The following COL23A1 variants were observed in gnomAD, a reference collection of about 807,000 sequenced individuals.
COL23A1 encodes the protein collagen type XXIII alpha 1 chain, also known as collagen alpha-1(XXIII) chain.
In COL23A1, 97 loss-of-function variants were observed where a neutral mutation model predicts 99.3. That is an observed-to-expected ratio of 0.98 (90% CI 0.83 to 1.16). The LOEUF (loss-of-function observed/expected upper bound fraction) is 1.16. Ranked by LOEUF, COL23A1 falls within the 50% of genes most tolerant of loss-of-function variation. COL23A1 has a pLI of 0.00. For synonymous variants in COL23A1, 320 were observed against 308.2 expected (o/e 1.04, Z -0.40); for missense variants, 762 against 757.4 (o/e 1.01, Z -0.07).
chr5:178,349,611 G>A (rs1038960216), intron 2 of COL23A1, among the ~76,000 whole-genome samples: 7 of 150,662 alleles, frequency 4.6e-5, no homozygotes, highest in South Asian at 2.1e-4. Flanking sequence ...CACTATCACC[G>A]TCCAATGTAA....
At chr5:178,576,929 AG>A (rs1373850464) in intron 1 of COL23A1, among the ~76,000 whole-genome samples, 1 of 151,584 alleles carries the variant, frequency 6.6e-6, no homozygotes. Flanking sequence ...CTGCCGGGTC[AG>A]CCCCGCGGAG....
chr5:178,324,227 AT>A (rs1251963108), intron 2 of COL23A1, among the ~76,000 whole-genome samples: 3 of 152,056 alleles, frequency 2.0e-5, no homozygotes, highest in African/African-American at 7.2e-5. Flanking sequence ...GGGCTGGAGA[AT>A]TTGCATTTTC....
chr5:178,559,869 C>T (rs1334019336), intron 2 of COL23A1, among the ~76,000 whole-genome samples: 2 of 151,614 alleles, frequency 1.3e-5, no homozygotes, highest in African/African-American at 4.9e-5. Context: ...CAAAAGTCAC[C>T]TTTCCCTGCA....
chr5:178,412,446 A>C (rs1765100967), intron 2 of COL23A1, among the ~76,000 whole-genome samples: 1 of 152,224 alleles, frequency 6.6e-6, no homozygotes, highest in South Asian at 2.1e-4. Flanking sequence ...ATATAAACAA[A>C]TTTACAGTTC....
rs1460383696 is a variant in COL23A1, at chr5:178,255,765, A to G, written c.882+588T>C. On this transcript the variant is annotated intron_variant, in intron 15 of 28. Coordinates refer to ENST00000390654, the MANE Select transcript of COL23A1 (RefSeq NM_173465.4). This position sits in a 1 kb window ranked among gnomAD's most constrained non-coding sequence, Gnocchi z 4.2. ...CCTGGCTCACTGGCTGCCTAATCCA[A>G]CCCCCTCCCGCTCCCCACCACCTGC... 3 of 311,640 alleles carry G rather than the reference A, an allele frequency of 9.6e-6. No individual in the cohort carries two copies. Among genetic ancestry groups the G allele is most frequent in the Middle Eastern group, 6.0e-4 (1 of 1,654 alleles). The allele number at this position is 311,640 out of a possible 1,614,324, so 19.3% of individuals were successfully genotyped here. A position where few individuals can be genotyped will look rare whatever the true frequency, so the allele number is the denominator to read the frequency against.
intron 2 of COL23A1, among the ~76,000 whole-genome samples, chr5:178,402,993 A>T (rs902643164): frequency 6.6e-6 from 1 of 151,850 alleles, no homozygotes; most frequent in Non-Finnish European, 1.5e-5. Context: ...CCACAGTCCC[A>T]GCTACTCAGG....
chr5:178,454,723 G>A (rs1767671684), intron 2 of COL23A1, among the ~76,000 whole-genome samples: 1 of 152,250 alleles, frequency 6.6e-6, no homozygotes, highest in Admixed American at 6.5e-5. Flanking sequence ...GTGCAACCAG[G>A]AAGGCCTGCC....
chr5:178,384,883 A>G lies in COL23A1; in HGVS notation c.362-77964T>C, dbSNP rs1037555465. Among the ~76,000 whole-genome samples the G allele has an allele frequency of 6.6e-6, 1 of 152,202 alleles. No individual in the cohort carries two copies. The highest frequency in any genetic ancestry group is 2.4e-5 in the African/African-American group (1 of 41,448). ...GAAAAGCGGGAAATAGCCTGCAAGGAGGAAGAGCGCGGTGAGAGGTCAAAT... is the reference window on the plus strand; with the variant it reads ...GAAAAGCGGGAAATAGCCTGCAAGGGGGAAGAGCGCGGTGAGAGGTCAAAT... On this transcript the variant is annotated intron_variant, in intron 2 of 28. Transcript: ENST00000390654. The surrounding 1 kb of genome is among the most constrained non-coding windows in gnomAD (Gnocchi z 5.5).
chr5:178,288,190 C>T (rs1039959303), intron 5 of COL23A1, 134 bp downstream of exon 5: 1 of 863,466 alleles, frequency 1.2e-6, no homozygotes, highest in Non-Finnish European at 2.0e-6. Context: ...ACGCTAATCG[C>T]CTCCACAGAA....
chr5:178,320,678 G>A (rs1048859698), intron 2 of COL23A1, among the ~76,000 whole-genome samples: 2 of 152,212 alleles, frequency 1.3e-5, no homozygotes, highest in African/African-American at 4.8e-5. Flanking sequence ...CACCCCAGGG[G>A]ACTTGGGGTG....
intron 17 of COL23A1, among the ~76,000 whole-genome samples, chr5:178,251,316 C>T (rs775697032): frequency 4.6e-5 from 7 of 151,862 alleles, no homozygotes; most frequent in Admixed American, 3.3e-4. Context: ...CCACCGTGCC[C>T]GGCCGCAAGA....
At chr5:178,522,028 A>C (rs1292443642) in intron 2 of COL23A1, among the ~76,000 whole-genome samples, 20 of 152,238 alleles carry the variant, frequency 1.3e-4, no homozygotes, top group Non-Finnish European at 2.6e-4. Flanking sequence ...TTTTTACCAC[A>C]ACAACAAAAA....
At chr5:178,503,908 A>G (rs1758718653) in intron 2 of COL23A1, among the ~76,000 whole-genome samples, 1 of 151,986 alleles carries the variant, frequency 6.6e-6, no homozygotes, top group South Asian at 2.1e-4. Context: ...TCCGGAGGGG[A>G]GGGTGCGGGC....
rs1581140482 is a variant in COL23A1, at chr5:178,316,923, A to G, written c.362-10004T>C. On this transcript the variant is annotated intron_variant, in intron 2 of 28. Transcript: ENST00000390654. The stretch of plus-strand genomic sequence containing the variant: ...AAAATTCTGAGTGAGTTACATCACT[A>G]GAGAGTATACGAGTCTTCCACTCTG... Among the ~76,000 whole-genome samples, 5 of 152,100 alleles carry G rather than the reference A, an allele frequency of 3.3e-5. No individual in the cohort carries two copies. The South Asian group carries it at 1.0e-3, about 32-fold the overall frequency.
At chr5:178,575,819 G>A (rs1763322113) in intron 1 of COL23A1, among the ~76,000 whole-genome samples, 2 of 152,164 alleles carry the variant, frequency 1.3e-5, no homozygotes, top group East Asian at 1.9e-4. Context: ...GGAAGGAAGC[G>A]GAGACCAGGT....
chr5:178,459,547 A>T (rs1755999928), intron 2 of COL23A1, among the ~76,000 whole-genome samples: 1 of 152,168 alleles, frequency 6.6e-6, no homozygotes, highest in African/African-American at 2.4e-5. Flanking sequence ...GGATCACCTG[A>T]GGTCAGGAGT....
At chr5:178,258,062 C>A (rs1395371818) in intron 12 of COL23A1, among the ~76,000 whole-genome samples, 1 of 151,878 alleles carries the variant, frequency 6.6e-6, no homozygotes, top group African/African-American at 2.4e-5. Context: ...GGCAACAGGG[C>A]AAGACTCCAT....
chr5:178,352,277 G>C (rs965659077), intron 2 of COL23A1: 2 of 152,182 alleles, frequency 1.3e-5, no homozygotes, highest in Non-Finnish European at 2.9e-5. Context: ...ACACCTTAGC[G>C]CTTTGGATCT....
intron 1 of COL23A1, among the ~76,000 whole-genome samples, chr5:178,586,198 T>C (rs1433026906): frequency 6.6e-6 from 1 of 152,212 alleles, no homozygotes; most frequent in Admixed American, 6.5e-5. Context: ...CTGTAGTGTG[T>C]GCTAAGAAAG....
Sources: gnomAD v4.1 joint callset for allele counts (sites outside exome capture counted in the v4.1 genomes callset) on GRCh38, gnomAD v4.1.1 for gene constraint, Gnocchi (gnomAD v3.1) non-coding constraint, MANE v1.5 for transcripts, NCBI Gene and HGNC (gene_info 2026-07-23, HGNC 2026-07-21) for gene names.